The following GRM7 variants were observed in gnomAD, a reference collection of about 807,000 sequenced individuals.
The protein encoded by GRM7 is glutamate metabotropic receptor 7.
In GRM7, 35 loss-of-function variants were observed where a neutral mutation model predicts 84.5. The observed-to-expected ratio is 0.41, with a 90% CI of 0.32 to 0.55. GRM7 has a LOEUF of 0.55. Among genes scored for constraint, GRM7 ranks in the 20% least tolerant of loss-of-function variants. The pLI, the probability that GRM7 is intolerant of heterozygous loss-of-function variation, is 0.19. For missense variants in GRM7, 1,003 were observed against 1,194.6 expected, an observed-to-expected ratio of 0.84 and a Z score of 2.36; for synonymous variants, 487 against 455.1, an observed-to-expected ratio of 1.07 and a Z score of -0.89.
chr3:7,203,600 C>A (rs1553681), intron 2 of GRM7, among the ~76,000 whole-genome samples: 107,481 of 152,000 alleles, frequency 0.71, 39,952 homozygotes, highest in African/African-American at 0.92. Context: ...TTTTTCTTTG[C>A]ATAAATATGC....
At chr3:7,481,354 A>C (rs1453876161) in intron 7 of GRM7, among the ~76,000 whole-genome samples, 1 of 152,154 alleles carries the variant, frequency 6.6e-6, no homozygotes, top group Admixed American at 6.5e-5. Context: ...CGGCCTCCCA[A>C]AGTGCTGGGA....
intron 1 of GRM7, among the ~76,000 whole-genome samples, chr3:6,983,620 C>G (rs1348987039): frequency 2.0e-5 from 3 of 152,012 alleles, no homozygotes. Context: ...TCATGTTTTG[C>G]CAGAGCCCTA....
intron 2 of GRM7, among the ~76,000 whole-genome samples, chr3:7,208,332 A>T (rs914818225): frequency 7.2e-5 from 11 of 152,142 alleles, no homozygotes; most frequent in Non-Finnish European, 1.3e-4. Context: ...CAGAAAGGTG[A>T]GTTCAGTGCA....
intron 1 of GRM7, among the ~76,000 whole-genome samples, chr3:6,919,399 G>T (rs1429625525): frequency 3.4e-5 from 5 of 147,312 alleles, no homozygotes; most frequent in Admixed American, 6.8e-5. Flanking sequence ...TAGAGATGGG[G>T]TTTCCACCAT....
chr3:7,639,263 G>T (rs1217684928), intron 8 of GRM7, among the ~76,000 whole-genome samples: 1 of 152,120 alleles, frequency 6.6e-6, no homozygotes, highest in African/African-American at 2.4e-5. Flanking sequence ...CTCTCTCTCT[G>T]TGAGTTATCT....
At chr3:6,892,754 C>T (rs546408915) in intron 1 of GRM7, 2 of 152,282 alleles carry the variant, frequency 1.3e-5, no homozygotes, top group African/African-American at 4.8e-5. Context: ...ACCCAACAGC[C>T]CTCTGTGCTG....
intron 8 of GRM7, among the ~76,000 whole-genome samples, chr3:7,639,595 C>T (rs1325301899): frequency 6.6e-6 from 1 of 152,112 alleles, no homozygotes; most frequent in East Asian, 1.9e-4. Context: ...GTCTTTACAA[C>T]TTTCCCTAAA....
intron 4 of GRM7, among the ~76,000 whole-genome samples, chr3:7,325,432 T>C (rs55888066): frequency 0.34 from 52,119 of 152,064 alleles, 9,634 homozygotes; most frequent in East Asian, 0.45. Flanking sequence ...CCAGAGTTTC[T>C]GATTTGGTAT....
intron 9 of GRM7, among the ~76,000 whole-genome samples, chr3:7,723,804 GC>G (rs1297541606): frequency 1.3e-5 from 2 of 152,030 alleles, no homozygotes; most frequent in Non-Finnish European, 2.9e-5. Flanking sequence ...CTATAATTGG[GC>G]CACTGCACTC....
intron 9 of GRM7, among the ~76,000 whole-genome samples, chr3:7,730,298 A>G (rs528135001): frequency 2.1e-3 from 324 of 152,236 alleles, no homozygotes; most frequent in Middle Eastern, 0.014. Flanking sequence ...GAGCCACTGC[A>G]CCTGGCCTGT....
At chr3:7,478,397 C>T (rs752300) in intron 7 of GRM7, among the ~76,000 whole-genome samples, 46,975 of 151,856 alleles carry the variant, frequency 0.31, 7,438 homozygotes, top group East Asian at 0.37. Context: ...TGTTGGCCCA[C>T]GTATCAAGTA....
At chr3:7,415,224 C>T in intron 5 of GRM7, 61 bp downstream of exon 5, 2 of 1,362,708 alleles carry the variant, frequency 1.5e-6, no homozygotes, top group Non-Finnish European at 2.1e-6. Context: ...GACATGTCTG[C>T]ATAGCTGACA....
At chr3:7,547,150 C>T (rs1338689568) in intron 7 of GRM7, among the ~76,000 whole-genome samples, 1 of 151,662 alleles carries the variant, frequency 6.6e-6, no homozygotes, top group Non-Finnish European at 1.5e-5. Flanking sequence ...TGAGAAAGCC[C>T]CGGCACAGTG....
intron 4 of GRM7, among the ~76,000 whole-genome samples, chr3:7,310,577 G>C (rs957724955): frequency 2.6e-5 from 4 of 152,202 alleles, no homozygotes; most frequent in African/African-American, 9.6e-5. Flanking sequence ...AGAAAATATT[G>C]CCTTGAACCA....
intron 1 of GRM7, among the ~76,000 whole-genome samples, chr3:6,984,998 G>T (rs1022829944): frequency 6.6e-6 from 1 of 152,154 alleles, no homozygotes; most frequent in Admixed American, 6.5e-5. Context: ...GAGCACCGAG[G>T]CTGAGATTAC....
intron 1 of GRM7, among the ~76,000 whole-genome samples, chr3:7,025,841 T>C (rs556281033): frequency 5.5e-4 from 84 of 152,294 alleles, no homozygotes; most frequent in Admixed American, 2.3e-3. Flanking sequence ...AAAAGGTAAA[T>C]TCCACTGTGC....
chr3:7,730,311 T>G (rs867141594), intron 9 of GRM7, among the ~76,000 whole-genome samples: 4 of 152,110 alleles, frequency 2.6e-5, no homozygotes, highest in South Asian at 2.1e-4. Context: ...TGGCCTGTTT[T>G]TTTGTTTGTT....
chr3:7,115,639 T>C (rs1413084110), intron 1 of GRM7, among the ~76,000 whole-genome samples: 1 of 152,130 alleles, frequency 6.6e-6, no homozygotes, highest in Non-Finnish European at 1.5e-5. Flanking sequence ...GAGACTTCTA[T>C]GGGAAGTCAT....
chr3:7,606,526 G>T (rs1209260918), intron 8 of GRM7, among the ~76,000 whole-genome samples: 2 of 152,038 alleles, frequency 1.3e-5, no homozygotes, highest in African/African-American at 2.4e-5. Flanking sequence ...AGGAAACTTT[G>T]CTTGTTTTCT....
Sources: gnomAD v4.1 joint callset for allele counts (sites outside exome capture counted in the v4.1 genomes callset) on GRCh38, gnomAD v4.1.1 for gene constraint, MANE v1.5 for transcripts, NCBI Gene and HGNC (gene_info 2026-07-23, HGNC 2026-07-21) for gene names.